MAP4K3: variants seen among roughly 807,000 people sequenced by gnomAD.
MAP4K3 encodes mitogen-activated protein kinase kinase kinase kinase 3, also known as MAPK/ERK kinase kinase kinase 3.
MAP4K3 carries 94 observed loss-of-function variants against 143.5 expected under a neutral mutation model. The ratio of observed to expected loss-of-function variants is 0.65; its 90% CI spans 0.55 to 0.78. The LOEUF (loss-of-function observed/expected upper bound fraction) is 0.78, where lower values mean the gene tolerates loss of function less well. Ranked by LOEUF, MAP4K3 falls within the 30% of genes least tolerant of loss-of-function variation. MAP4K3 has a pLI of 0.00. For synonymous variants in MAP4K3, 416 were observed against 347.2 expected (o/e 1.20, Z -2.20); for missense variants, 1,077 against 1,068.1 (o/e 1.01, Z -0.12).
intron 2 of MAP4K3, among the ~76,000 whole-genome samples, chr2:39,376,793 A>C (rs887312372): frequency 1.3e-5 from 2 of 152,356 alleles, no homozygotes; most frequent in Admixed American, 6.5e-5. Flanking sequence ...CATTTCATTA[A>C]GTAACACAGT....
chr2:39,296,257 A>G (rs775429704), intron 16 of MAP4K3, among the ~76,000 whole-genome samples: 6 of 152,218 alleles, frequency 3.9e-5, no homozygotes, highest in Non-Finnish European at 8.8e-5. Flanking sequence ...TAGGCTTTAT[A>G]AAAGAGAAAA....
chr2:39,329,425 G>A (rs1192924176), intron 8 of MAP4K3, among the ~76,000 whole-genome samples: 1 of 152,166 alleles, frequency 6.6e-6, no homozygotes, highest in African/African-American at 2.4e-5. Context: ...AGTAAATGAT[G>A]TAGCAAACAG....
At chr2:39,363,750 T>C (rs774216032) in intron 2 of MAP4K3, among the ~76,000 whole-genome samples, 2 of 149,574 alleles carry the variant, frequency 1.3e-5, no homozygotes, top group African/African-American at 2.5e-5. Context: ...TTTCACAACA[T>C]ACATATGCAT....
At position 39,299,875 on chromosome 2, in the gene MAP4K3, C is replaced by G. The variant is rs6752282; in HGVS notation, c.1120-74G>C. 2.4e-3 allele frequency: 1,325 copies of G among 546,928 alleles called. 12 individuals carry two copies. In the African/African-American group the frequency reaches 0.024, roughly 10 times the overall value. 33.9% of individuals were successfully genotyped at this position (546,928 alleles called of 1,614,324 possible). A position where few individuals can be genotyped will look rare whatever the true frequency, so the allele number is the denominator to read the frequency against. ...CCATGATACATTAATATATATAATA[C>G]ATATTATTTTTAAAAGATAAGTCCC... On this transcript the variant is annotated intron_variant, in intron 15 of 33. Transcript: ENST00000263881.
At chr2:39,356,180 C>G in intron 3 of MAP4K3, 69 bp downstream of exon 3, 1 of 901,432 alleles carries the variant, frequency 1.1e-6, no homozygotes. Context: ...TTAAAACTAA[C>G]TTTATTTTGT....
At chr2:39,376,995 A>G (rs554388583) in intron 2 of MAP4K3, among the ~76,000 whole-genome samples, 3 of 152,292 alleles carry the variant, frequency 2.0e-5, no homozygotes, top group South Asian at 4.1e-4. Context: ...GTAAATATGT[A>G]TAACTGGAAA....
intron 3 of MAP4K3, among the ~76,000 whole-genome samples, chr2:39,344,549 T>C (rs1665231248): frequency 6.6e-6 from 1 of 152,242 alleles, no homozygotes; most frequent in Non-Finnish European, 1.5e-5. Flanking sequence ...CAGAAGAGCT[T>C]AGTCGTGGTG....
intron 1 of MAP4K3, 80 bp downstream of exon 1, chr2:39,436,812 G>A (rs1331193339): frequency 1.6e-6 from 2 of 1,251,318 alleles, no homozygotes; most frequent in Non-Finnish European, 2.3e-6. Context: ...CCCGAGGACA[G>A]GCGGCAAGGG....
Position 39,333,961 on chromosome 2 carries a change from T to G in MAP4K3, c.415-387A>C, listed in dbSNP as rs202141126. ...TAAACTTGATTATTGTTTCCCATTTTTGTGTGTGTGTGTGTGTGTGTGTGT... is the reference window on the plus strand; with the variant it reads ...TAAACTTGATTATTGTTTCCCATTTGTGTGTGTGTGTGTGTGTGTGTGTGT... On this transcript the variant is annotated intron_variant, in intron 6 of 33. Coordinates refer to ENST00000263881, the MANE Select transcript of MAP4K3 (RefSeq NM_003618.4). 5.3e-4 allele frequency among the ~76,000 whole-genome samples: 77 copies of G among 144,144 alleles called. No homozygotes were observed. In the East Asian group the frequency reaches 5.4e-3, roughly 10 times the overall value. The allele number at this position is 144,144 out of a possible 152,430, so 94.6% of individuals were successfully genotyped here. A position where few individuals can be genotyped will look rare whatever the true frequency, so the allele number is the denominator to read the frequency against.
In MAP4K3 at chr2:39,328,451, T is replaced by C. The variant is rs1329563128; in HGVS notation, c.531-2174A>G. 2.6e-5 allele frequency among the ~76,000 whole-genome samples: 4 copies of C among 152,256 alleles called. No individual in the cohort carries two copies. In the South Asian group the frequency reaches 6.2e-4, roughly 24 times the overall value. ...GGTACGTTAGATAAGAACATGACAA[T>C]GGCAGAAAACTGGGAAGGCTACAGA... is the stretch of plus-strand genomic sequence containing the variant. On this transcript the variant is annotated intron_variant, in intron 8 of 33. Coordinates refer to ENST00000263881, the MANE Select transcript of MAP4K3 (RefSeq NM_003618.4).
intron 2 of MAP4K3, among the ~76,000 whole-genome samples, chr2:39,362,615 G>C (rs900522949): frequency 6.6e-6 from 1 of 152,100 alleles, no homozygotes; most frequent in African/African-American, 2.4e-5. Context: ...TAAAATGTTC[G>C]TACTACCCAA....
chr2:39,399,076 A>C (rs1666886899), intron 1 of MAP4K3, among the ~76,000 whole-genome samples: 1 of 151,990 alleles, frequency 6.6e-6, no homozygotes, highest in Non-Finnish European at 1.5e-5. Flanking sequence ...AATTCTGTGA[A>C]ACATAAACAT....
intron 2 of MAP4K3, among the ~76,000 whole-genome samples, chr2:39,366,795 T>A (rs1412674163): frequency 6.6e-6 from 1 of 152,218 alleles, no homozygotes; most frequent in African/African-American, 2.4e-5. Flanking sequence ...TATCAGGGTA[T>A]CTTGAAACCC....
intron 3 of MAP4K3, among the ~76,000 whole-genome samples, chr2:39,347,787 T>C (rs1665339239): frequency 6.6e-6 from 1 of 152,120 alleles, no homozygotes; most frequent in African/African-American, 2.4e-5. Flanking sequence ...ATCAGGCATA[T>C]ATTCTTACTA....
chr2:39,433,705 A>C (rs1665364697), intron 1 of MAP4K3, among the ~76,000 whole-genome samples: 1 of 152,168 alleles, frequency 6.6e-6, no homozygotes, highest in Non-Finnish European at 1.5e-5. Context: ...GGCCCAACTA[A>C]AGAGCTTCAG....
At chr2:39,335,498 A>C (rs962318614) in intron 6 of MAP4K3, among the ~76,000 whole-genome samples, 1 of 152,166 alleles carries the variant, frequency 6.6e-6, no homozygotes, top group Non-Finnish European at 1.5e-5. Context: ...TCCCATCTCT[A>C]ATTAGTCTCA....
chr2:39,423,411 CTT>C (rs1664953968), intron 1 of MAP4K3, among the ~76,000 whole-genome samples: 1 of 152,210 alleles, frequency 6.6e-6, no homozygotes, highest in African/African-American at 2.4e-5. Flanking sequence ...CAATCACACT[CTT>C]TGGTATTTGC....
At chr2:39,302,636 T>A (rs1682554310) in intron 15 of MAP4K3, among the ~76,000 whole-genome samples, 1 of 152,096 alleles carries the variant, frequency 6.6e-6, no homozygotes, top group Admixed American at 6.6e-5. Context: ...GCTCAAACTA[T>A]CCCAAGATGA....
At chr2:39,394,926 C>A (rs571949839) in intron 1 of MAP4K3, among the ~76,000 whole-genome samples, 1 of 152,014 alleles carries the variant, frequency 6.6e-6, no homozygotes, top group Non-Finnish European at 1.5e-5. Context: ...GAATTTGAAT[C>A]CATCAGACTC....
Sources: gnomAD v4.1 joint callset for allele counts (sites outside exome capture counted in the v4.1 genomes callset) on GRCh38, gnomAD v4.1.1 for gene constraint, MANE v1.5 for transcripts, NCBI Gene and HGNC (gene_info 2026-07-23, HGNC 2026-07-21) for gene names.